RAB14: variants seen among roughly 807,000 people sequenced by gnomAD.
RAB14 encodes RAB14, member RAS oncogene family, also known as ras-related protein Rab-14.
RAB14 carries 3 observed loss-of-function variants against 31.1 expected under a neutral mutation model. That is an observed-to-expected ratio of 0.10 (90% confidence interval 0.04 to 0.25). The LOEUF (loss-of-function observed/expected upper bound fraction) is 0.25, where lower values mean the gene tolerates loss of function less well. Ranked by LOEUF, RAB14 falls within the 10% of genes least tolerant of loss-of-function variation. RAB14 has a pLI of 1.00. For missense variants in RAB14, 111 were observed against 260.1 expected (o/e 0.43, Z 3.94); for synonymous variants, 85 against 84.9 (o/e 1.00, Z 0.00).
chr9:121,181,313 C>T lies in RAB14; in HGVS notation c.*83G>A, dbSNP rs939688655. 3.8e-6 allele frequency: 5 copies of T among 1,328,506 alleles called. No homozygotes were observed. The African/African-American group carries it at 7.3e-5, about 19-fold the overall frequency. The allele number at this position is 1,328,506 out of a possible 1,614,324, so 82.3% of individuals were successfully genotyped here. A position where few individuals can be genotyped will look rare whatever the true frequency, so the allele number is the denominator to read the frequency against. ...TTTTAATTAAACCCAGTAAGATGTA[C>T]AGAAGACAATGAGGCAGTAAAAAGT... On this transcript the variant is annotated 3_prime_UTR_variant, in exon 8 of 8. Coordinates refer to ENST00000373840, the MANE Select transcript of RAB14 (RefSeq NM_016322.4).
At chr9:121,193,460 T>A in intron 1 of RAB14, 41 bp from the exon 2 acceptor site, 1 of 1,339,516 alleles carries the variant, frequency 7.5e-7, no homozygotes, top group Non-Finnish European at 1.0e-6. Context: ...AAGGAAAGCA[T>A]ATACAAGTAA....
chr9:121,192,147 G>T, intron 3 of RAB14, 24 bp downstream of exon 3: 1 of 1,501,292 alleles, frequency 6.7e-7, no homozygotes. Context: ...AACTATTAAT[G>T]TTTACCTCAT....
In RAB14 at chr9:121,179,370, A is replaced by T. The variant is rs2053620197; in HGVS notation, c.*2026T>A. The T allele has an allele frequency of 6.6e-6, 1 of 152,660 alleles. No homozygotes were observed. The highest frequency in any genetic ancestry group is 1.5e-5 in the Non-Finnish European group (1 of 68,042). 9.5% of individuals were successfully genotyped at this position (152,660 alleles called of 1,614,324 possible). A position where few individuals can be genotyped will look rare whatever the true frequency, so the allele number is the denominator to read the frequency against. On this transcript the variant is annotated 3_prime_UTR_variant, in exon 8 of 8. Coordinates refer to ENST00000373840, the MANE Select transcript of RAB14 (RefSeq NM_016322.4). ...TTTTGTTACATCAAATGAAGAGTAC[A>T]GCAGTCTGAATAAATCCTTCAGTCA...
intron 4 of RAB14, among the ~76,000 whole-genome samples, chr9:121,190,205 T>C (rs2053679424): frequency 1.3e-5 from 2 of 152,094 alleles, no homozygotes; most frequent in African/African-American, 2.4e-5. Flanking sequence ...AGAGACTAAA[T>C]AGAGTAAGTC....
In RAB14 at chr9:121,201,837, T is replaced by TC. The variant is rs1331732397; in HGVS notation, c.-207dup. ...GTGGCAGCGGTGACTGCTCCTGTGC[T>TC]CCCTCAGTATCTTCCTCGGGCTGGT... On this transcript the variant is annotated 5_prime_UTR_variant, in exon 1 of 8. Transcript: ENST00000373840. The TC allele has an allele frequency of 1.3e-5, 2 of 152,304 alleles. No homozygotes were observed. Among genetic ancestry groups the TC allele is most frequent in the Non-Finnish European group, 2.9e-5 (2 of 68,180 alleles). 9.4% of individuals were successfully genotyped at this position (152,304 alleles called of 1,614,324 possible).
intron 5 of RAB14, 53 bp from the exon 6 acceptor site, chr9:121,183,451 C>A (rs1483058268): frequency 1.5e-6 from 2 of 1,372,684 alleles, no homozygotes; most frequent in East Asian, 2.3e-5. Flanking sequence ...TAATTTAAAC[C>A]AACCATGCAA....
At chr9:121,200,691 T>A (rs1431904093) in intron 1 of RAB14, among the ~76,000 whole-genome samples, 2 of 152,200 alleles carry the variant, frequency 1.3e-5, no homozygotes, top group Non-Finnish European at 2.9e-5. Flanking sequence ...TAGCCTAATT[T>A]TTGAATGTAG....
intron 1 of RAB14, among the ~76,000 whole-genome samples, chr9:121,196,489 TAAC>T (rs1329779690): frequency 6.6e-5 from 10 of 152,178 alleles, no homozygotes; most frequent in Admixed American, 6.5e-4. Flanking sequence ...TACTATCCTA[TAAC>T]ATAGTTAATT....
chr9:121,196,773 T>C (rs1474478570), intron 1 of RAB14, among the ~76,000 whole-genome samples: 1 of 152,216 alleles, frequency 6.6e-6, no homozygotes, highest in Non-Finnish European at 1.5e-5. Context: ...TCAGAATTTA[T>C]AGATATAAAT....
At chr9:121,197,796 G>A (rs1272246441) in intron 1 of RAB14, among the ~76,000 whole-genome samples, 2 of 152,048 alleles carry the variant, frequency 1.3e-5, no homozygotes, top group African/African-American at 4.8e-5. Flanking sequence ...CAGCCCATAA[G>A]GCTACAGGTA....
At chr9:121,192,123 A>G in intron 3 of RAB14, 48 bp downstream of exon 3, 10 of 1,356,672 alleles carry the variant, frequency 7.4e-6, no homozygotes, top group Non-Finnish European at 8.2e-6. Context: ...AAGTAGAAAC[A>G]TGGCGATAAA....
intron 4 of RAB14, 123 bp from the exon 5 acceptor site, chr9:121,187,142 A>G: frequency 1.9e-6 from 1 of 521,374 alleles, no homozygotes; most frequent in South Asian, 3.9e-5. Context: ...CCAGTTACTC[A>G]GAACAGTAGT....
intron 3 of RAB14, 63 bp from the exon 4 acceptor site, chr9:121,190,794 G>A: frequency 2.0e-6 from 3 of 1,511,016 alleles, no homozygotes; most frequent in Non-Finnish European, 1.8e-6. Flanking sequence ...AGCCTAGAGG[G>A]GGAAAATCCA....
intron 1 of RAB14, among the ~76,000 whole-genome samples, chr9:121,200,620 C>T (rs1269133828): frequency 6.6e-6 from 1 of 152,132 alleles, no homozygotes; most frequent in Non-Finnish European, 1.5e-5. Flanking sequence ...TCATCCAATG[C>T]GAACACAGTA....
At chr9:121,181,618 CAA>C in intron 7 of RAB14, 45 bp from the exon 8 acceptor site, 1 of 1,494,964 alleles carries the variant, frequency 6.7e-7, no homozygotes, top group South Asian at 1.2e-5. Flanking sequence ...CAGTTTTCTA[CAA>C]AAGACAAGAC....
intron 7 of RAB14, among the ~76,000 whole-genome samples, chr9:121,182,700 G>C (rs1019514938): frequency 6.6e-6 from 1 of 152,092 alleles, no homozygotes; most frequent in African/African-American, 2.4e-5. Context: ...ATTAACCTGG[G>C]TTACCAACAG....
chr9:121,194,333 A>G (rs2053703568), intron 1 of RAB14, among the ~76,000 whole-genome samples: 1 of 152,194 alleles, frequency 6.6e-6, no homozygotes, highest in South Asian at 2.1e-4. Context: ...GCAAAATTTG[A>G]AAGCTTGTGT....
chr9:121,182,950 G>C lies in RAB14; in HGVS notation c.450C>G (p.Phe150Leu). ...KQFAEENGLL[F>L]LEASAKTGEN... ...CTTACGTTTTTGCACTCGCTTCGAGGAACAATAAGCCTAAAAATAAAATTC... is the reference window on the plus strand; with the variant it reads ...CTTACGTTTTTGCACTCGCTTCGAGCAACAATAAGCCTAAAAATAAAATTC... The change falls in exon 7 of 8, where the codon TTC becomes TTG. Residue 150 changes from phenylalanine (F) to leucine (L), a missense_variant. Physicochemically the swap from Phe to Leu is conservative, Grantham distance 22 (BLOSUM62 0). Coordinates refer to ENST00000373840, the MANE Select transcript of RAB14 (RefSeq NM_016322.4). The C allele has an allele frequency of 6.2e-7, 1 of 1,604,944 alleles. No homozygotes were observed. The highest frequency in any genetic ancestry group is 8.5e-7 in the Non-Finnish European group (1 of 1,173,570).
chr9:121,181,575 T>TA lies in RAB14; in HGVS notation c.471-3dup, dbSNP rs1407852245. On this transcript the variant is annotated splice_polypyrimidine_tract_variant and splice_region_variant and intron_variant, in intron 7 of 7. Coordinates refer to ENST00000373840, the MANE Select transcript of RAB14 (RefSeq NM_016322.4). ...AAGGCATCTTCTACATTCTCTCCCC[T>TA]AAGAGGCAATTGATAACTTTATTGG... The TA allele has an allele frequency of 2.5e-6, 4 of 1,600,674 alleles. No homozygotes were observed. Among genetic ancestry groups the TA allele is most frequent in the Non-Finnish European group, 3.4e-6 (4 of 1,169,254 alleles).
Sources: allele counts gnomAD v4.1 joint callset (sites outside exome capture counted in the v4.1 genomes callset), GRCh38; gene constraint gnomAD v4.1.1; transcripts MANE v1.5; gene names NCBI Gene and HGNC (gene_info 2026-07-23, HGNC 2026-07-21).